STK31: variants seen among roughly 807,000 people sequenced by gnomAD.
STK31 encodes the protein serine/threonine-protein kinase 31.
In STK31, 89 loss-of-function variants were observed where a neutral mutation model predicts 129.7. That is an observed-to-expected ratio of 0.69 (90% CI 0.58 to 0.82). The LOEUF is 0.82. Ranked by LOEUF, STK31 falls within the 40% of genes least tolerant of loss-of-function variation. STK31 has a pLI of 0.00. For synonymous variants in STK31, 448 were observed against 395.3 expected, an observed-to-expected ratio of 1.13 and a Z score of -1.58; for missense variants, 1,187 against 1,176.4, an observed-to-expected ratio of 1.01 and a Z score of -0.13.
chr7:23,736,584 C>CG (rs57716103), intron 7 of STK31, among the ~76,000 whole-genome samples: 45 of 74,212 alleles, frequency 6.1e-4, no homozygotes, highest in East Asian at 4.7e-3. Context: ...GGGGGGATCA[C>CG]GGGGGGGGGA....
At chr7:23,750,067 T>TTCC (rs1788611310) in intron 8 of STK31, among the ~76,000 whole-genome samples, 1 of 90,556 alleles carries the variant, frequency 1.1e-5, no homozygotes, top group Non-Finnish European at 2.3e-5. Context: ...ATGGTTTGTT[T>TTCC]CCCCCCCCGC....
chr7:23,754,167 A>C, intron 9 of STK31, 148 bp from the exon 10 acceptor site: 1 of 564,670 alleles, frequency 1.8e-6, no homozygotes, highest in South Asian at 5.5e-5. Flanking sequence ...TAAGTTATAC[A>C]TGATTTTATA....
chr7:23,800,592 C>T (rs1230863180), intron 22 of STK31, among the ~76,000 whole-genome samples: 1 of 151,368 alleles, frequency 6.6e-6, no homozygotes, highest in Non-Finnish European at 1.5e-5. Flanking sequence ...ACAGTGGGGC[C>T]TGTTGGGGAG....
At chr7:23,803,477 G>A (rs1310225633) in intron 22 of STK31, among the ~76,000 whole-genome samples, 1 of 152,168 alleles carries the variant, frequency 6.6e-6, no homozygotes, top group Non-Finnish European at 1.5e-5. Context: ...TTTTTCTTAT[G>A]AGATCCAGAT....
intron 3 of STK31, among the ~76,000 whole-genome samples, chr7:23,713,598 A>T (rs191142846): frequency 6.6e-6 from 1 of 152,170 alleles, no homozygotes; most frequent in African/African-American, 2.4e-5. Context: ...TCCTTATTCT[A>T]AAGCTTTCTT....
chr7:23,713,471 A>G (rs1786105135), intron 3 of STK31, among the ~76,000 whole-genome samples: 1 of 152,156 alleles, frequency 6.6e-6, no homozygotes, highest in East Asian at 1.9e-4. Flanking sequence ...TAAATTTATA[A>G]AAATATTTTT....
At chr7:23,776,998 TC>T (rs1426213845) in intron 15 of STK31, among the ~76,000 whole-genome samples, 2 of 152,234 alleles carry the variant, frequency 1.3e-5, no homozygotes, top group Admixed American at 6.5e-5. Flanking sequence ...TTTAGCTGTG[TC>T]CCAGAGATTC....
At chr7:23,803,576 A>G (rs569217375) in intron 22 of STK31, among the ~76,000 whole-genome samples, 2 of 152,188 alleles carry the variant, frequency 1.3e-5, no homozygotes, top group African/African-American at 4.8e-5. Context: ...GTAATAAACC[A>G]TATCTTTTTT....
intron 22 of STK31, among the ~76,000 whole-genome samples, chr7:23,805,748 A>G (rs78804926): frequency 0.13 from 19,548 of 152,132 alleles, 1,243 homozygotes; most frequent in East Asian, 0.22. Flanking sequence ...GTCTGCCAAC[A>G]TGGTGGGACT....
At chr7:23,730,878 A>ATATATATATTTTT in intron 6 of STK31, among the ~76,000 whole-genome samples, 15 of 59,538 alleles carry the variant, frequency 2.5e-4, no homozygotes, top group South Asian at 2.5e-3. Flanking sequence ...ATATATATAT[A>ATATATATATTTTT]TTTTTTTTTT....
chr7:23,781,504 A>T lies in STK31; in HGVS notation c.2051A>T (p.His684Leu), dbSNP rs41273999. The T allele has an allele frequency of 1.4e-5, 23 of 1,607,578 alleles. No homozygotes were observed. The highest frequency in any genetic ancestry group is 1.9e-5 in the Non-Finnish European group (22 of 1,177,080). ...AATAATGTCTTTCAGGAAATTTATC[A>T]TGAGAGAGAGGAATATGTAAGTATT... Reference protein sequence around the residue: ...LRNNVFQEIYHEREEYEMLTS... With the variant: ...LRNNVFQEIYLEREEYEMLTS... Residue 684 changes from histidine (H) to leucine (L), a missense_variant, in exon 16 of 24, where the codon CAT becomes CTT. Physicochemically the swap from His to Leu is moderately conservative, Grantham distance 99. This residue lies in a region of STK31 where 975 missense variants were observed against 934.9 expected (regional missense o/e 1.04). Transcript: ENST00000355870.
At chr7:23,728,775 G>A (rs1409974191) in intron 5 of STK31, among the ~76,000 whole-genome samples, 1 of 152,128 alleles carries the variant, frequency 6.6e-6, no homozygotes, top group Non-Finnish European at 1.5e-5. Context: ...AGGAGAAACA[G>A]GAGAGGGCTG....
intron 10 of STK31, among the ~76,000 whole-genome samples, chr7:23,761,026 G>A (rs1283057397): frequency 6.6e-6 from 1 of 152,056 alleles, no homozygotes; most frequent in African/African-American, 2.4e-5. Context: ...AAAGCCTATT[G>A]TTTTTCCATT....
Position 23,735,604 on chromosome 7 carries a change from G to C in STK31, c.550G>C (p.Glu184Gln). 6.2e-7 allele frequency: 1 copy of C among 1,613,656 alleles called. No individual in the cohort carries two copies. Among genetic ancestry groups the C allele is most frequent in the Non-Finnish European group, 8.5e-7 (1 of 1,179,802 alleles). Residue 184 changes from glutamate (E) to glutamine (Q), a missense_variant, in exon 7 of 24, where the codon GAA becomes CAA. This residue lies in a region of STK31 where 103 missense variants were observed against 110.4 expected (regional missense o/e 0.93). Coordinates refer to ENST00000355870, the MANE Select transcript of STK31 (RefSeq NM_031414.5). ...EIKMRIKATS[E>Q]DGTVIAQAEY... ...AAAAATGAGAATTAAAGCAACCTCT[G>C]AAGATGGAACAGTTATTGCTCAGGC...
intron 6 of STK31, among the ~76,000 whole-genome samples, chr7:23,731,922 A>G (rs1437172809): frequency 1.3e-5 from 2 of 152,264 alleles, no homozygotes; most frequent in Admixed American, 1.3e-4. Context: ...CCAGTTTGGA[A>G]AACAGAATGA....
At position 23,815,351 on chromosome 7, in the gene STK31, A is replaced by C. The variant is rs1020038265; in HGVS notation, c.2829+139A>C. 6.9e-6 allele frequency: 4 copies of C among 580,080 alleles called. No homozygotes were observed. In the Admixed American group the frequency reaches 1.1e-4, roughly 16 times the overall value. 35.9% of individuals were successfully genotyped at this position (580,080 alleles called of 1,614,324 possible). ...ATAAATGAAGTATTGAAAAAAATTCAGGTGCCCTACTTAACACCACTTAAT... is the reference window on the plus strand; with the variant it reads ...ATAAATGAAGTATTGAAAAAAATTCCGGTGCCCTACTTAACACCACTTAAT... On this transcript the variant is annotated intron_variant, in intron 23 of 23. Transcript: ENST00000355870.
At chr7:23,724,817 C>T (rs1786955483) in intron 4 of STK31, among the ~76,000 whole-genome samples, 2 of 152,064 alleles carry the variant, frequency 1.3e-5, no homozygotes, top group Non-Finnish European at 2.9e-5. Context: ...TACACTTATC[C>T]TTTGTAGCTT....
intron 8 of STK31, among the ~76,000 whole-genome samples, chr7:23,750,185 GC>G (rs1322077737): frequency 6.6e-6 from 1 of 150,484 alleles, no homozygotes; most frequent in Non-Finnish European, 1.5e-5. Context: ...AAGCATGGGG[GC>G]CCCCATGACT....
intron 6 of STK31, among the ~76,000 whole-genome samples, chr7:23,731,161 G>A (rs1787411890): frequency 2.0e-5 from 3 of 151,892 alleles, no homozygotes; most frequent in Non-Finnish European, 2.9e-5. Context: ...TGGGATTACA[G>A]GCATGAGCCA....
Sources: allele counts gnomAD v4.1 joint callset (sites outside exome capture counted in the v4.1 genomes callset), GRCh38; gene constraint gnomAD v4.1.1; regional missense constraint gnomAD v4.1.1; transcripts MANE v1.5; gene names NCBI Gene and HGNC (gene_info 2026-07-23, HGNC 2026-07-21).